Variants in SKIC3 observed in about 807,000 individuals in gnomAD.
SKIC3 encodes the protein superkiller complex protein 3.
chr5:95,524,731 G>A, the SKIC3 span: 17 of 1,140,310 alleles, frequency 1.5e-5, no homozygotes, highest in African/African-American at 2.4e-4. Context: ...CATCACTTTA[G>A]GATTTATATT....
chr5:95,547,081 C>T, the SKIC3 span: 1 of 1,613,132 alleles, frequency 6.2e-7, no homozygotes, highest in Non-Finnish European at 8.5e-7. Flanking sequence ...TTCAAAGCTT[C>T]TTTGTATTCT....
At chr5:95,522,862 T>C in the SKIC3 span, among the ~76,000 whole-genome samples, 38 of 152,284 alleles carry the variant, frequency 2.5e-4, no homozygotes, top group African/African-American at 8.4e-4. Context: ...CCCAATGCCC[T>C]TTAAGCTGCC....
the SKIC3 span, among the ~76,000 whole-genome samples, chr5:95,553,707 C>T: frequency 7.9e-3 from 1,206 of 152,184 alleles, 14 homozygotes; most frequent in South Asian, 8.3e-3. Context: ...TTACAGGCGC[C>T]CGCCACCACG....
the SKIC3 span, chr5:95,529,398 TA>T: frequency 2.3e-6 from 1 of 428,478 alleles, no homozygotes; most frequent in South Asian, 2.2e-5. Context: ...AATCAGATTA[TA>T]AAATTCCCCT....
chr5:95,521,087 T>C, the SKIC3 span, among the ~76,000 whole-genome samples: 1 of 152,040 alleles, frequency 6.6e-6, no homozygotes, highest in African/African-American at 2.4e-5. Flanking sequence ...GCAAGTTACT[T>C]ACCTGCTAAA....
chr5:95,485,877 C>T, the SKIC3 span, among the ~76,000 whole-genome samples: 575 of 152,232 alleles, frequency 3.8e-3, 4 homozygotes, highest in South Asian at 7.3e-3. Flanking sequence ...TGACAGGAAA[C>T]ACCAAAAGCA....
the SKIC3 span, among the ~76,000 whole-genome samples, chr5:95,488,853 T>C: frequency 6.7e-6 from 1 of 150,182 alleles, no homozygotes; most frequent in South Asian, 2.1e-4. Flanking sequence ...ATAAAGAATA[T>C]ACCAAAAAAA....
chr5:95,478,347 C>T, the SKIC3 span: 1 of 1,614,002 alleles, frequency 6.2e-7, no homozygotes, highest in Non-Finnish European at 8.5e-7. Flanking sequence ...GCTTCCCACT[C>T]CAACTGCCCC....
the SKIC3 span, chr5:95,514,812 G>T: frequency 6.9e-6 from 11 of 1,587,550 alleles, no homozygotes; most frequent in South Asian, 1.1e-4. Context: ...GTCAGTTATT[G>T]ATATCAACAA....
the SKIC3 span, chr5:95,517,447 A>G: frequency 2.0e-6 from 2 of 1,018,154 alleles, no homozygotes; most frequent in Non-Finnish European, 2.9e-6. Context: ...TCCTAACTGA[A>G]TCATATCATA....
the SKIC3 span, among the ~76,000 whole-genome samples, chr5:95,486,145 T>A: frequency 6.6e-6 from 1 of 152,096 alleles, no homozygotes; most frequent in Non-Finnish European, 1.5e-5. Context: ...CCTAAGCAGC[T>A]AGAGTGAGGC....
chr5:95,494,652 T>G, the SKIC3 span: 1 of 1,599,270 alleles, frequency 6.3e-7, no homozygotes, highest in Non-Finnish European at 8.6e-7. Context: ...AAAAAAGAAT[T>G]GGAATTAATG....
chr5:95,519,322 A>G, the SKIC3 span, among the ~76,000 whole-genome samples: 1 of 152,062 alleles, frequency 6.6e-6, no homozygotes, highest in Non-Finnish European at 1.5e-5. Flanking sequence ...ATAATCAGCT[A>G]TCACAAGCTG....
the SKIC3 span, chr5:95,512,698 CTTCAATACAATAAATATCACATCTCAGTG>C: frequency 6.7e-7 from 1 of 1,501,664 alleles, no homozygotes. Flanking sequence ...AAACAATGCA[CTTCAATACAATAAATATCACATCTCAGTG>C]TTCTTTAAGT....
the SKIC3 span, chr5:95,467,952 G>A: frequency 2.6e-5 from 42 of 1,613,488 alleles, no homozygotes; most frequent in Middle Eastern, 9.9e-4. Flanking sequence ...GGATACCCAG[G>A]CTGATATACC....
At chr5:95,502,154 G>A in the SKIC3 span, among the ~76,000 whole-genome samples, 1 of 152,060 alleles carries the variant, frequency 6.6e-6, no homozygotes, top group African/African-American at 2.4e-5. Flanking sequence ...CAATTTTTTT[G>A]ATGTCACAAT....
the SKIC3 span, among the ~76,000 whole-genome samples, chr5:95,552,638 G>A: frequency 3.2e-4 from 49 of 152,246 alleles, no homozygotes; most frequent in East Asian, 4.2e-3. Context: ...ACTTTCCAAA[G>A]AGGGCTTTCG....
At chr5:95,521,910 A>G in the SKIC3 span, 1 of 919,712 alleles carries the variant, frequency 1.1e-6, no homozygotes, top group African/African-American at 1.7e-5. Context: ...TATATAAGCT[A>G]TACTGTAAGA....
At chr5:95,516,977 T>C in the SKIC3 span, 1 of 1,613,380 alleles carries the variant, frequency 6.2e-7, no homozygotes, top group South Asian at 1.1e-5. Flanking sequence ...TTCTGCTAGA[T>C]GTTGTGCTTG....
Sources: gnomAD v4.1 joint callset for allele counts (sites outside exome capture counted in the v4.1 genomes callset) on GRCh38, gnomAD v4.1.1 for gene constraint, MANE v1.5 for transcripts, NCBI Gene and HGNC (gene_info 2026-07-23, HGNC 2026-07-21) for gene names.